EPB41L3: variants seen among roughly 807,000 people sequenced by gnomAD.
EPB41L3 encodes band 4.1-like protein 3.
Under a neutral mutation model 127.1 loss-of-function variants are expected in EPB41L3, and 57 were observed. The observed-to-expected ratio is 0.45, with a 90% CI of 0.36 to 0.56. The LOEUF (loss-of-function observed/expected upper bound fraction) is 0.56. Ranked by LOEUF, EPB41L3 falls within the 20% of genes least tolerant of loss-of-function variation. The pLI is 0.00. For synonymous variants in EPB41L3, 572 were observed against 549.5 expected (o/e 1.04, Z -0.57); for missense variants, 1,273 against 1,372.2 (o/e 0.93, Z 1.14).
intron 3 of EPB41L3, chr18:5,577,301 C>A (rs563294247): frequency 1.8e-5 from 8 of 449,636 alleles, no homozygotes; most frequent in Non-Finnish European, 3.1e-5. Flanking sequence ...CACAAGCATA[C>A]ATTAATGTTA....
At chr18:5,557,568 T>G (rs1168857689) in intron 3 of EPB41L3, among the ~76,000 whole-genome samples, 1 of 152,118 alleles carries the variant, frequency 6.6e-6, no homozygotes, top group African/African-American at 2.4e-5. Context: ...GTATTTTTAG[T>G]AGAGATGGGG....
intron 8 of EPB41L3, chr18:5,431,250 C>T (rs929501646): frequency 2.0e-5 from 3 of 152,066 alleles, no homozygotes; most frequent in Non-Finnish European, 4.4e-5. Flanking sequence ...TACAGGATTC[C>T]AGATCAGAAT....
chr18:5,511,061 C>T (rs1440134970), intron 1 of EPB41L3, among the ~76,000 whole-genome samples: 2 of 151,996 alleles, frequency 1.3e-5, no homozygotes, highest in Non-Finnish European at 1.5e-5. Context: ...ATTCCAGAAA[C>T]TCTGGAATAC....
At chr18:5,446,077 C>T (rs1369316935) in intron 3 of EPB41L3, among the ~76,000 whole-genome samples, 1 of 152,182 alleles carries the variant, frequency 6.6e-6, no homozygotes, top group African/African-American at 2.4e-5. Flanking sequence ...TCACTTAAAA[C>T]CTATCCCAAA....
chr18:5,395,531 C>A, intron 20 of EPB41L3, 78 bp downstream of exon 20: 1 of 1,377,520 alleles, frequency 7.3e-7, no homozygotes, highest in Non-Finnish European at 1.0e-6. Context: ...TGCAGCCCAA[C>A]CTGTGAGGAG....
intron 2 of EPB41L3, among the ~76,000 whole-genome samples, chr18:5,481,576 T>G (rs2069843119): frequency 6.6e-6 from 1 of 152,154 alleles, no homozygotes; most frequent in Admixed American, 6.5e-5. Flanking sequence ...GATGTGACTC[T>G]CTGAAGGGAG....
At chr18:5,480,271 C>A (rs2088163141) in intron 2 of EPB41L3, 2 of 152,140 alleles carry the variant, frequency 1.3e-5, no homozygotes, top group African/African-American at 4.8e-5. Flanking sequence ...CCCTTACATA[C>A]ATTTTTTAAA....
At chr18:5,508,878 A>C (rs1480880277) in intron 1 of EPB41L3, among the ~76,000 whole-genome samples, 1 of 152,158 alleles carries the variant, frequency 6.6e-6, no homozygotes, top group Non-Finnish European at 1.5e-5. Flanking sequence ...TTATACATAA[A>C]CATTTTAAAA....
chr18:5,484,462 C>T (rs531553909), intron 2 of EPB41L3, among the ~76,000 whole-genome samples: 61 of 150,726 alleles, frequency 4.0e-4, no homozygotes, highest in Non-Finnish European at 7.8e-4. Context: ...GAACCAAACC[C>T]CAAATTAGGA....
At chr18:5,617,321 T>TTA (rs1491465533) in intron 1 of EPB41L3, among the ~76,000 whole-genome samples, 10 of 42,752 alleles carry the variant, frequency 2.3e-4, no homozygotes. Flanking sequence ...ATTATTATTA[T>TTA]TTTTTTTTTT....
intron 1 of EPB41L3, among the ~76,000 whole-genome samples, chr18:5,625,134 T>C (rs548665042): frequency 1.6e-4 from 24 of 151,180 alleles, no homozygotes; most frequent in African/African-American, 5.8e-4. Flanking sequence ...TCAAAAGGAG[T>C]TTTCACTCAT....
At chr18:5,491,387 T>C (rs2090576570) in intron 1 of EPB41L3, among the ~76,000 whole-genome samples, 1 of 152,220 alleles carries the variant, frequency 6.6e-6, no homozygotes, top group Admixed American at 6.6e-5. Flanking sequence ...TTCTATTTCC[T>C]GAGCAAATGA....
chr18:5,594,799 C>G (rs774493381), intron 3 of EPB41L3, among the ~76,000 whole-genome samples: 4 of 152,122 alleles, frequency 2.6e-5, no homozygotes, highest in Non-Finnish European at 5.9e-5. Context: ...TCACACAGCC[C>G]TATTTCTTCT....
At chr18:5,506,848 T>C (rs1044058455) in intron 1 of EPB41L3, among the ~76,000 whole-genome samples, 2 of 152,214 alleles carry the variant, frequency 1.3e-5, no homozygotes, top group Admixed American at 1.3e-4. Flanking sequence ...CCAACTGCTA[T>C]ATCCTTAAAA....
rs77417133 is a variant in EPB41L3, at chr18:5,422,231, C to T, written c.1339+1147G>A. On this transcript the variant is annotated intron_variant, in intron 11 of 22. Transcript: ENST00000341928. ...TGCCACAAGAGTACAGTTTCCACCT[C>T]GCTAGTAACATACATAATATAGCAC... is the stretch of plus-strand genomic sequence containing the variant. Among the ~76,000 whole-genome samples the T allele has an allele frequency of 4.7e-3, 713 of 152,124 alleles. 3 individuals carry two copies. Among genetic ancestry groups the T allele is most frequent in the South Asian group, 0.015 (71 of 4,808 alleles).
Position 5,461,917 on chromosome 18 carries a change from GA to G in EPB41L3, c.381+16323del, listed in dbSNP as rs1020090913. ...CGATAACAAGCCACAAAATGGAAGA[GA>G]AAAAAAGAATCCTTTGCCTCTCTGC... is the stretch of plus-strand genomic sequence containing the variant. On this transcript the variant is annotated intron_variant, in intron 3 of 22. Coordinates refer to ENST00000341928, the MANE Select transcript of EPB41L3 (RefSeq NM_012307.5). 5.3e-5 allele frequency among the ~76,000 whole-genome samples: 8 copies of G among 152,044 alleles called. No homozygotes were observed. In the East Asian group the frequency reaches 1.4e-3, roughly 26 times the overall value.
chr18:5,613,912 G>A (rs1290700929), intron 2 of EPB41L3, among the ~76,000 whole-genome samples: 6 of 152,220 alleles, frequency 3.9e-5, no homozygotes, highest in South Asian at 2.1e-4. Flanking sequence ...TATCAAAAAC[G>A]TTCTCAGTTG....
chr18:5,424,631 C>T (rs570220073), intron 9 of EPB41L3, among the ~76,000 whole-genome samples: 110 of 152,234 alleles, frequency 7.2e-4, no homozygotes, highest in African/African-American at 2.4e-3. Context: ...AAACCAAACA[C>T]GAAAAGGGGT....
chr18:5,553,240 G>C (rs1367343262), intron 3 of EPB41L3, among the ~76,000 whole-genome samples: 1 of 152,186 alleles, frequency 6.6e-6, no homozygotes, highest in Non-Finnish European at 1.5e-5. Flanking sequence ...TACCTCTGCT[G>C]TGTGCCACAC....
Sources: allele counts gnomAD v4.1 joint callset (sites outside exome capture counted in the v4.1 genomes callset), GRCh38; gene constraint gnomAD v4.1.1; transcripts MANE v1.5; gene names NCBI Gene and HGNC (gene_info 2026-07-23, HGNC 2026-07-21).